Variants in DRD3 observed in about 807,000 individuals in gnomAD.
The protein encoded by DRD3 is dopamine receptor D3.
DRD3 carries 19 observed loss-of-function variants against 36.3 expected under a neutral mutation model. That is an observed-to-expected ratio of 0.52 (90% CI 0.36 to 0.77). The LOEUF is 0.77. Ranked by LOEUF, DRD3 falls within the 30% of genes least tolerant of loss-of-function variation. The pLI is 0.00. For missense variants in DRD3, 465 were observed against 505.3 expected (o/e 0.92, Z 0.77); for synonymous variants, 195 against 203.7 (o/e 0.96, Z 0.36).
At chr3:114,161,711 G>C (rs2077734787) in intron 2 of DRD3, among the ~76,000 whole-genome samples, 1 of 152,140 alleles carries the variant, frequency 6.6e-6, no homozygotes, top group Non-Finnish European at 1.5e-5. Context: ...GCTTTTAAAA[G>C]ATTGAGACAT....
At chr3:114,188,656 G>A (rs2077988684) in intron 1 of DRD3, among the ~76,000 whole-genome samples, 1 of 152,172 alleles carries the variant, frequency 6.6e-6, no homozygotes, top group African/African-American at 2.4e-5. Flanking sequence ...AACATTAAGG[G>A]AGTTCTTTCC....
At chr3:114,196,600 A>G (rs1469154161) in intron 1 of DRD3, among the ~76,000 whole-genome samples, 2 of 152,114 alleles carry the variant, frequency 1.3e-5, no homozygotes, top group Admixed American at 1.3e-4. Flanking sequence ...CATTTCCACC[A>G]ACAATGCATA....
At chr3:114,136,328 A>G (rs934145667) in intron 5 of DRD3, among the ~76,000 whole-genome samples, 1 of 152,154 alleles carries the variant, frequency 6.6e-6, no homozygotes, top group African/African-American at 2.4e-5. Flanking sequence ...TGATTCTTCC[A>G]AGATTATATA....
At chr3:114,175,048 CT>C (rs1559999882) in intron 1 of DRD3, among the ~76,000 whole-genome samples, 1 of 152,056 alleles carries the variant, frequency 6.6e-6, no homozygotes, top group Non-Finnish European at 1.5e-5. Flanking sequence ...CTGAATAATT[CT>C]TTGTTGAGGA....
chr3:114,142,607 G>A (rs1364405853), intron 4 of DRD3, among the ~76,000 whole-genome samples: 3 of 152,184 alleles, frequency 2.0e-5, no homozygotes, highest in Admixed American at 2.0e-4. Context: ...ATTAATGTTT[G>A]TTTCTAGGGA....
At chr3:114,198,386 C>T (rs1341773909) in intron 1 of DRD3, among the ~76,000 whole-genome samples, 3 of 152,122 alleles carry the variant, frequency 2.0e-5, no homozygotes, top group African/African-American at 7.2e-5. Context: ...ATCTGCCCAC[C>T]TCAGCCTCCC....
At position 114,192,040 on chromosome 3, in the gene DRD3, G is replaced by A. The variant is rs1005200274; in HGVS notation, c.-156+7233C>T. ...AGAGAGGAGGGGGAAGCTTTATAATGGAAAAAAAGGGAAGGCTTCAGGTAT... is the reference window on the plus strand; with the variant it reads ...AGAGAGGAGGGGGAAGCTTTATAATAGAAAAAAAGGGAAGGCTTCAGGTAT... On this transcript the variant is annotated intron_variant, in intron 1 of 7. Coordinates refer to the DRD3 transcript ENST00000460779. Among the ~76,000 whole-genome samples, 3 of 152,100 alleles carry A rather than the reference G, an allele frequency of 2.0e-5. No homozygotes were observed. The East Asian group carries it at 5.8e-4, about 29-fold the overall frequency.
intron 1 of DRD3, among the ~76,000 whole-genome samples, chr3:114,176,783 G>A (rs565799452): frequency 4.6e-5 from 7 of 152,258 alleles, no homozygotes; most frequent in Admixed American, 4.6e-4. Flanking sequence ...AGTCGCCAGA[G>A]CTTTTCTGGT....
At chr3:114,197,351 C>T (rs1361513816) in intron 1 of DRD3, among the ~76,000 whole-genome samples, 1 of 139,510 alleles carries the variant, frequency 7.2e-6, no homozygotes, top group Non-Finnish European at 1.5e-5. Flanking sequence ...GAACTCCTGG[C>T]CTCAAACAAT....
chr3:114,149,284 G>A (rs936036483), intron 3 of DRD3, among the ~76,000 whole-genome samples: 3 of 152,196 alleles, frequency 2.0e-5, no homozygotes, highest in South Asian at 2.1e-4. Flanking sequence ...TGAGTGATAC[G>A]AGAGGGAGCC....
intron 4 of DRD3, among the ~76,000 whole-genome samples, chr3:114,140,626 G>T (rs2077516116): frequency 6.6e-6 from 1 of 152,332 alleles, no homozygotes; most frequent in Non-Finnish European, 1.5e-5. Flanking sequence ...GCAGATTAAA[G>T]CTCAGAGAGG....
At chr3:114,158,057 G>A (rs557173824) in intron 3 of DRD3, among the ~76,000 whole-genome samples, 9 of 151,922 alleles carry the variant, frequency 5.9e-5, no homozygotes, top group Non-Finnish European at 1.0e-4. Flanking sequence ...AGCCAAGATC[G>A]TGCCATTGCA....
At chr3:114,156,733 CTTTCTTTCTTTTTCTT>C (rs2077672787) in intron 3 of DRD3, among the ~76,000 whole-genome samples, 1 of 26,478 alleles carries the variant, frequency 3.8e-5, no homozygotes, top group African/African-American at 9.5e-5. Flanking sequence ...TTCTTTCTTT[CTTTCTTTCTTTTTCTT>C]TCTTTCTTTC....
chr3:114,174,383 G>A (rs2077877685), intron 1 of DRD3, among the ~76,000 whole-genome samples: 2 of 152,126 alleles, frequency 1.3e-5, no homozygotes, highest in African/African-American at 4.8e-5. Context: ...CACGTAAGAG[G>A]GAGGCATAAA....
In DRD3 at chr3:114,127,798, A is replaced by G. The variant is rs1468419635; in HGVS notation, c.*918T>C. Among the ~76,000 whole-genome samples, 1 of 152,228 alleles carries G rather than the reference A, an allele frequency of 6.6e-6. No individual in the cohort carries two copies. Among genetic ancestry groups the G allele is most frequent in the Non-Finnish European group, 1.5e-5 (1 of 68,044 alleles). ...TATTATCTTATGAGACCACCGTTGT[A>G]TATGTGGTCCACTGTTGCCCAAAAT... On this transcript the variant is annotated 3_prime_UTR_variant, in exon 7 of 7. Transcript: ENST00000383673.
At chr3:114,151,713 G>A (rs2077619565) in intron 3 of DRD3, among the ~76,000 whole-genome samples, 1 of 152,080 alleles carries the variant, frequency 6.6e-6, no homozygotes, top group African/African-American at 2.4e-5. Flanking sequence ...AGGAAGCAGA[G>A]ATGCAAGGAT....
At chr3:114,181,453 CAACA>C (rs1425884028), upstream of DRD3, among the ~76,000 whole-genome samples, 2 of 152,188 alleles carry the variant, frequency 1.3e-5, no homozygotes, top group African/African-American at 4.8e-5. Flanking sequence ...ATTCATACAA[CAACA>C]AACAATTTTA....
intron 3 of DRD3, among the ~76,000 whole-genome samples, chr3:114,156,475 T>A (rs1237929286): frequency 2.6e-5 from 4 of 152,144 alleles, no homozygotes; most frequent in Non-Finnish European, 4.4e-5. Context: ...TGCCGTTTTT[T>A]TTTTCAAAAT....
chr3:114,161,523 C>G (rs2077733010), intron 2 of DRD3, among the ~76,000 whole-genome samples: 3 of 152,134 alleles, frequency 2.0e-5, no homozygotes, highest in Admixed American at 6.5e-5. Context: ...TTGGTCATCT[C>G]CAGACTGTTT....
Sources: gnomAD v4.1 joint callset for allele counts (sites outside exome capture counted in the v4.1 genomes callset) on GRCh38, gnomAD v4.1.1 for gene constraint, MANE v1.5 for transcripts, NCBI Gene and HGNC (gene_info 2026-07-23, HGNC 2026-07-21) for gene names.